Variants in NCAPD2 observed in about 807,000 individuals in gnomAD.
NCAPD2 encodes condensin complex subunit 1.
In NCAPD2, 100 loss-of-function variants were observed where a neutral mutation model predicts 164.5. The ratio of observed to expected loss-of-function variants is 0.61; its 90% confidence interval spans 0.52 to 0.72. NCAPD2 has a LOEUF of 0.72. NCAPD2 is among the 30% of genes least tolerant of loss of function. The pLI is 0.00. For synonymous variants in NCAPD2, 585 were observed against 642.6 expected, an observed-to-expected ratio of 0.91 and a Z score of 1.36; for missense variants, 1,560 against 1,749.2, an observed-to-expected ratio of 0.89 and a Z score of 1.93.
At chr12:6,523,942 G>A (rs1471819278) in intron 17 of NCAPD2, among the ~76,000 whole-genome samples, 3 of 152,176 alleles carry the variant, frequency 2.0e-5, no homozygotes, top group East Asian at 3.8e-4. Flanking sequence ...ATATATGACA[G>A]GCACTCACAC....
In NCAPD2 at chr12:6,502,037, G is replaced by A. The variant is rs1946043060; in HGVS notation, c.127+6812G>A. Reference sequence around the variant, plus strand: ...ACATAATGTATTTCTTTTAAGATGGGCAGCATTATGTGTGTCTATATTGAG... The same window carrying A: ...ACATAATGTATTTCTTTTAAGATGGACAGCATTATGTGTGTCTATATTGAG... On this transcript the variant is annotated intron_variant, in intron 2 of 31. Coordinates refer to ENST00000315579, the MANE Select transcript of NCAPD2 (RefSeq NM_014865.4). Among the ~76,000 whole-genome samples the A allele has an allele frequency of 1.3e-5, 2 of 152,154 alleles. 1 individual carries two copies. The highest frequency in any genetic ancestry group is 2.9e-5 in the Non-Finnish European group (2 of 68,034).
intron 2 of NCAPD2, among the ~76,000 whole-genome samples, chr12:6,502,354 G>T (rs1255164778): frequency 1.3e-5 from 2 of 152,188 alleles, no homozygotes; most frequent in African/African-American, 2.4e-5. Context: ...GAGTGAGTTT[G>T]GGAAGAAGGT....
intron 29 of NCAPD2, 70 bp from the exon 30 acceptor site, chr12:6,530,621 T>A: frequency 1.3e-6 from 2 of 1,594,500 alleles, no homozygotes; most frequent in East Asian, 2.2e-5. Context: ...ATGTCTTCCA[T>A]GGCCTTGTTT....
rs1946096402 is a variant in NCAPD2, at chr12:6,506,029, G to A, written c.128-3688G>A. 2.0e-5 allele frequency among the ~76,000 whole-genome samples: 3 copies of A among 152,050 alleles called. No homozygotes were observed. The South Asian group carries it at 6.2e-4, about 32-fold the overall frequency. On this transcript the variant is annotated intron_variant, in intron 2 of 31. Transcript: ENST00000315579. ...CCTGGAGTGCAGTAGTGTGATCACA[G>A]CTCACTGCAGCCTCAGCTTCCTAGG...
rs1455784413 is a variant in NCAPD2 at position 6,510,586 on chromosome 12, A to G, written c.263-43A>G. 4 of 1,608,390 alleles carry G rather than the reference A, an allele frequency of 2.5e-6. No homozygotes were observed. In the African/African-American group the frequency reaches 5.4e-5, roughly 22 times the overall value. On this transcript the variant is annotated intron_variant, in intron 4 of 31. Transcript: ENST00000315579. The stretch of plus-strand genomic sequence containing the variant: ...GGGTGTTTTGAAGTTGGGGTATATG[A>G]AAGAAGTGAGTGAAACTGACTCCAA...
chr12:6,523,071 C>G (rs986913507), intron 16 of NCAPD2, 69 bp downstream of exon 16: 3 of 1,568,878 alleles, frequency 1.9e-6, no homozygotes, highest in Non-Finnish European at 2.6e-6. Context: ...CCCTTGTCTC[C>G]TAAAGGAAGA....
chr12:6,531,068 G>A lies in NCAPD2; in HGVS notation c.4112G>A (p.Ser1371Asn). Residue 1371 changes from serine (S) to asparagine (N), a missense_variant, in exon 31 of 32, where the codon AGT becomes AAT. Coordinates refer to ENST00000315579, the MANE Select transcript of NCAPD2 (RefSeq NM_014865.4). The surrounding 1 kb of genome is among the most constrained non-coding windows in gnomAD (Gnocchi z 4.1). ...GTTGTCTTCTCAAGTGATGAGTCCA[G>A]TGAGGAAGGTATGATGCTCCCGCCT... ...PKVVFSSDES[S>N]EEDLSAEMTE... 6 of 1,613,502 alleles carry A rather than the reference G, an allele frequency of 3.7e-6. No individual in the cohort carries two copies. Among genetic ancestry groups the A allele is most frequent in the Non-Finnish European group, 5.1e-6 (6 of 1,180,026 alleles).
rs2137051569 is a variant in NCAPD2, at chr12:6,516,955, A to G, written c.1115A>G (p.His372Arg). The change falls in exon 10 of 32, where the codon CAT becomes CGT. Residue 372 changes from histidine (H) to arginine (R), a missense_variant. His to Arg is a conservative substitution (Grantham distance 29). Coordinates refer to ENST00000315579, the MANE Select transcript of NCAPD2 (RefSeq NM_014865.4). ...CAGTTCTTGGATACTTTACAAGCCC[A>G]TGGCCATGATGTCAACTCCTTTGTG... is the stretch of plus-strand genomic sequence containing the variant. ...RDQFLDTLQA[H>R]GHDVNSFVRS... The G allele has an allele frequency of 1.2e-6, 2 of 1,614,142 alleles. No individual in the cohort carries two copies. Among genetic ancestry groups the G allele is most frequent in the Non-Finnish European group, 1.7e-6 (2 of 1,180,016 alleles).
At chr12:6,508,192 C>T (rs560896447) in intron 2 of NCAPD2, among the ~76,000 whole-genome samples, 1 of 151,962 alleles carries the variant, frequency 6.6e-6, no homozygotes, top group East Asian at 1.9e-4. Context: ...CGTTGTGGCA[C>T]GCACCTGTAG....
At chr12:6,521,564 T>C (rs1417100836) in intron 14 of NCAPD2, among the ~76,000 whole-genome samples, 1 of 95,528 alleles carries the variant, frequency 1.0e-5, no homozygotes, top group African/African-American at 5.8e-5. Flanking sequence ...GGCACGCACC[T>C]GTAGTCCCAA....
chr12:6,500,632 A>C (rs895420500), intron 2 of NCAPD2, among the ~76,000 whole-genome samples: 4 of 152,204 alleles, frequency 2.6e-5, no homozygotes, highest in Admixed American at 2.0e-4. Context: ...CCAGGATGTC[A>C]AAGCTGCTGA....
intron 13 of NCAPD2, among the ~76,000 whole-genome samples, chr12:6,520,647 G>T (rs1946255512): frequency 6.6e-6 from 1 of 152,096 alleles, no homozygotes; most frequent in Non-Finnish European, 1.5e-5. Flanking sequence ...AAAGTTTATT[G>T]TTTCTAAACT....
At chr12:6,517,318 G>A (rs763652513) in intron 10 of NCAPD2, 47 bp from the exon 11 acceptor site, 5 of 1,597,888 alleles carry the variant, frequency 3.1e-6, no homozygotes, top group Admixed American at 3.5e-5. Flanking sequence ...TGAACAAAAT[G>A]GATGATGTGG....
Position 6,528,380 on chromosome 12 carries a change from T to C in NCAPD2, c.3299+52T>C, listed in dbSNP as rs1463822381. The C allele has an allele frequency of 1.9e-6, 3 of 1,606,448 alleles. No homozygotes were observed. The highest frequency in any genetic ancestry group is 2.6e-6 in the Non-Finnish European group (3 of 1,175,098). ...CAGTTCCCAGGAGCCCCGGAGTCTG[T>C]TGAGAGTCAGTGTGAGAATCACCAG... On this transcript the variant is annotated intron_variant, in intron 25 of 31. Transcript: ENST00000315579. The surrounding 1 kb of genome is among the most constrained non-coding windows in gnomAD (Gnocchi z 5.1).
In NCAPD2 at chr12:6,503,786, T is replaced by TA. The variant is rs745985990; in HGVS notation, c.128-5925dup. ...ACTCCATCTATTTTTTTTTTTTTTT[T>TA]AAAAAAGATGGTGAAACCCCGTCTC... On this transcript the variant is annotated intron_variant, in intron 2 of 31. Coordinates refer to ENST00000315579, the MANE Select transcript of NCAPD2 (RefSeq NM_014865.4). 4.0e-3 allele frequency among the ~76,000 whole-genome samples: 588 copies of TA among 145,918 alleles called. 7 individuals carry two copies. The highest frequency in any genetic ancestry group is 0.019 in the South Asian group (88 of 4,532).
In NCAPD2 at chr12:6,531,296, C is replaced by T; in HGVS notation, c.4121-31C>T. 1 of 1,600,034 alleles carries T rather than the reference C, an allele frequency of 6.2e-7. No homozygotes were observed. Among genetic ancestry groups the T allele is most frequent in the Non-Finnish European group, 8.5e-7 (1 of 1,170,000 alleles). ...TTTTTTCACCATCTTTGTGACTCAG[C>T]TTTTTCTTATTCCTTTAATTCTTTG... On this transcript the variant is annotated intron_variant, in intron 31 of 31. Transcript: ENST00000315579. The surrounding 1 kb of genome is among the most constrained non-coding windows in gnomAD (Gnocchi z 4.1).
At chr12:6,527,592 A>T (rs1946328738) in intron 22 of NCAPD2, among the ~76,000 whole-genome samples, 185 bp from the exon 23 acceptor site, 1 of 152,238 alleles carries the variant, frequency 6.6e-6, no homozygotes, top group Admixed American at 6.5e-5. Flanking sequence ...CTTAAAACAA[A>T]TGGGGACCTC....
intron 2 of NCAPD2, among the ~76,000 whole-genome samples, chr12:6,508,361 G>A (rs1353571933): frequency 6.6e-6 from 1 of 152,086 alleles, no homozygotes; most frequent in Non-Finnish European, 1.5e-5. Flanking sequence ...ATGGAAGCAT[G>A]TTCAAAGGAC....
intron 2 of NCAPD2, among the ~76,000 whole-genome samples, chr12:6,503,077 C>T (rs137905829): frequency 1.4e-5 from 2 of 141,348 alleles, no homozygotes; most frequent in African/African-American, 2.6e-5. Flanking sequence ...AGGCTGGTCT[C>T]GAACTCCTGA....
Sources: gnomAD v4.1 joint callset for allele counts (sites outside exome capture counted in the v4.1 genomes callset) on GRCh38, gnomAD v4.1.1 for gene constraint, Gnocchi (gnomAD v3.1) non-coding constraint, MANE v1.5 for transcripts, NCBI Gene and HGNC (gene_info 2026-07-23, HGNC 2026-07-21) for gene names.